Variants in RASGEF1C observed in about 807,000 individuals in gnomAD.
The protein encoded by RASGEF1C is RasGEF domain family member 1C.
RASGEF1C carries 27 observed loss-of-function variants against 58.1 expected under a neutral mutation model. That is an observed-to-expected ratio of 0.46 (90% CI 0.34 to 0.64). The LOEUF (loss-of-function observed/expected upper bound fraction) is 0.64. Among genes scored for constraint, RASGEF1C ranks in the 30% least tolerant of loss-of-function variants. RASGEF1C has a pLI of 0.01. For synonymous variants in RASGEF1C, 243 were observed against 246.3 expected (o/e 0.99, Z 0.13); for missense variants, 502 against 605.1 (o/e 0.83, Z 1.79).
chr5:180,132,950 A>C (rs1766395240), intron 4 of RASGEF1C, among the ~76,000 whole-genome samples: 1 of 145,862 alleles, frequency 6.9e-6, no homozygotes, highest in Non-Finnish European at 1.5e-5. Context: ...CCTGGGTGAC[A>C]GAGAGAGACT....
chr5:180,136,391 G>A lies in RASGEF1C; in HGVS notation c.425C>T (p.Ala142Val), dbSNP rs762688045. 2.6e-6 allele frequency: 4 copies of A among 1,557,308 alleles called. No homozygotes were observed. Among genetic ancestry groups the A allele is most frequent in the African/African-American group, 2.7e-5 (2 of 73,446 alleles). ...CCAGCTGCCCACCTCGTCACAGGGG[G>A]CGATGCGGCCCACGACGTCCTTAAG... Reference protein sequence around the residue: ...GHLKDVVGRIAPCDEAYRKRM... With the variant: ...GHLKDVVGRIVPCDEAYRKRM... The change falls in exon 4 of 14, where the codon GCC becomes GTC. Residue 142 changes from alanine to valine, a missense_variant. Physicochemically the swap from Ala to Val is moderately conservative, Grantham distance 64. Transcript: ENST00000361132.
chr5:180,101,659 T>C (rs1165011491), intron 13 of RASGEF1C, 134 bp from the exon 14 acceptor site: 1 of 1,097,320 alleles, frequency 9.1e-7, no homozygotes, highest in African/African-American at 1.6e-5. Flanking sequence ...GTTCTGCAAA[T>C]CCCTGGGGCT....
In RASGEF1C at chr5:180,137,447, C is replaced by T. The variant is rs1766501409; in HGVS notation, c.300+143G>A. ...TGTTCTGCTCCTTCTGGCTCTGGGC[C>T]TCAGACAAGGTGGAAACACCCGGTA... On this transcript the variant is annotated intron_variant, in intron 3 of 13. Coordinates refer to ENST00000361132, the MANE Select transcript of RASGEF1C (RefSeq NM_175062.4). This position sits in a 1 kb window ranked among gnomAD's most constrained non-coding sequence, Gnocchi z 4.1. 8.6e-7 allele frequency: 1 copy of T among 1,166,260 alleles called. No individual in the cohort carries two copies. Among genetic ancestry groups the T allele is most frequent in the South Asian group, 1.4e-5 (1 of 71,914 alleles). The allele number at this position is 1,166,260 out of a possible 1,614,324, so 72.2% of individuals were successfully genotyped here. A position where few individuals can be genotyped will look rare whatever the true frequency, so the allele number is the denominator to read the frequency against.
intron 1 of RASGEF1C, among the ~76,000 whole-genome samples, chr5:180,174,526 GTGTC>G (rs895558550): frequency 7.8e-6 from 1 of 128,796 alleles, no homozygotes; most frequent in Non-Finnish European, 1.8e-5. Flanking sequence ...GTACACACGT[GTGTC>G]TCTGTGTGTG....
At chr5:180,159,277 G>T (rs7737444) in intron 1 of RASGEF1C, among the ~76,000 whole-genome samples, 24 of 151,404 alleles carry the variant, frequency 1.6e-4, no homozygotes, top group South Asian at 8.4e-4. Flanking sequence ...GTAGCTGGGA[G>T]TACAGGCGTG....
At position 180,101,399 on chromosome 5, in the gene RASGEF1C, A is replaced by G; in HGVS notation, c.*102T>C. ...AGGCCACAGGGTCGGCATTTGCAAA[A>G]TAGTGAGGCACTCCCTGGCCTCTGC... is the stretch of plus-strand genomic sequence containing the variant. On this transcript the variant is annotated 3_prime_UTR_variant, in exon 14 of 14. Coordinates refer to ENST00000361132, the MANE Select transcript of RASGEF1C (RefSeq NM_175062.4). The G allele has an allele frequency of 2.1e-6, 3 of 1,456,478 alleles. 1 individual carries two copies. The highest frequency in any genetic ancestry group is 2.3e-5 in the South Asian group (2 of 85,684). 90.2% of individuals were successfully genotyped at this position (1,456,478 alleles called of 1,614,324 possible). A position where few individuals can be genotyped will look rare whatever the true frequency, so the allele number is the denominator to read the frequency against.
intron 1 of RASGEF1C, among the ~76,000 whole-genome samples, chr5:180,141,978 G>A (rs1473076629): frequency 6.6e-6 from 1 of 152,122 alleles, no homozygotes; most frequent in Non-Finnish European, 1.5e-5. Flanking sequence ...GTGATGATGG[G>A]ACAATTGTTT....
intron 5 of RASGEF1C, among the ~76,000 whole-genome samples, 191 bp downstream of exon 5, chr5:180,128,219 G>A (rs970056632): frequency 1.3e-5 from 2 of 152,206 alleles, no homozygotes; most frequent in South Asian, 2.1e-4. Flanking sequence ...GGAAGAACCC[G>A]CCCCAGCCTC....
intron 1 of RASGEF1C, among the ~76,000 whole-genome samples, chr5:180,139,484 C>A (rs953185474): frequency 6.6e-6 from 1 of 152,206 alleles, no homozygotes; most frequent in African/African-American, 2.4e-5. Context: ...TCAGAGGGAG[C>A]CCCTCAGAGG....
At chr5:180,206,004 G>A (rs1219598365) in intron 1 of RASGEF1C, among the ~76,000 whole-genome samples, 1 of 152,142 alleles carries the variant, frequency 6.6e-6, no homozygotes, top group Non-Finnish European at 1.5e-5. Context: ...CCAAGTGCTG[G>A]GATTACAGGC....
chr5:180,199,675 C>T (rs1297914327), intron 1 of RASGEF1C, among the ~76,000 whole-genome samples: 1 of 151,388 alleles, frequency 6.6e-6, no homozygotes, highest in Non-Finnish European at 1.5e-5. Context: ...TCTCTCCCTC[C>T]CTTCCCTTCC....
At chr5:180,164,218 A>G (rs1198283363) in intron 1 of RASGEF1C, among the ~76,000 whole-genome samples, 2 of 152,210 alleles carry the variant, frequency 1.3e-5, no homozygotes, top group Non-Finnish European at 2.9e-5. Context: ...TGTTTTCAAC[A>G]TCGTTGATAT....
At chr5:180,106,508 C>A (rs1048292801) in intron 12 of RASGEF1C, among the ~76,000 whole-genome samples, 11 of 152,220 alleles carry the variant, frequency 7.2e-5, no homozygotes, top group Non-Finnish European at 1.0e-4. Context: ...TTTAAATTTT[C>A]CATGAGCCTC....
At chr5:180,165,971 G>A (rs1380928155) in intron 1 of RASGEF1C, among the ~76,000 whole-genome samples, 1 of 151,668 alleles carries the variant, frequency 6.6e-6, no homozygotes, top group African/African-American at 2.4e-5. Context: ...GGATGGTCTT[G>A]ATCTCCTGAC....
intron 4 of RASGEF1C, among the ~76,000 whole-genome samples, chr5:180,129,336 G>A (rs1041733495): frequency 2.6e-5 from 4 of 152,176 alleles, no homozygotes; most frequent in Non-Finnish European, 4.4e-5. Flanking sequence ...CACCTGGCCC[G>A]TGCTCTGAGA....
In RASGEF1C at chr5:180,132,772, A is replaced by T. The variant is rs527418934; in HGVS notation, c.438+3606T>A. Among the ~76,000 whole-genome samples, 114 of 152,118 alleles carry T rather than the reference A, an allele frequency of 7.5e-4. No homozygotes were observed. The South Asian group carries it at 9.3e-3, about 12-fold the overall frequency. Reference sequence around the variant, plus strand: ...GATCACGAGGTCAGGAGTTCGAGACAAGCCTGGCCAACATAGTGAAACCCT... The same window carrying T: ...GATCACGAGGTCAGGAGTTCGAGACTAGCCTGGCCAACATAGTGAAACCCT... On this transcript the variant is annotated intron_variant, in intron 4 of 13. Transcript: ENST00000361132.
chr5:180,181,985 C>G (rs186229395), intron 1 of RASGEF1C, among the ~76,000 whole-genome samples: 1 of 151,422 alleles, frequency 6.6e-6, no homozygotes, highest in African/African-American at 2.4e-5. Context: ...GGGCGGATCA[C>G]GAGGTCAGGA....
intron 1 of RASGEF1C, among the ~76,000 whole-genome samples, chr5:180,186,101 GAAAAAAAAA>G (rs35778456): frequency 1.2e-5 from 1 of 81,174 alleles, no homozygotes; most frequent in African/African-American, 4.8e-5. Flanking sequence ...TATCTCCACA[GAAAAAAAAA>G]AAAAAAAAAA....
At chr5:180,173,101 C>A (rs907125521) in intron 1 of RASGEF1C, among the ~76,000 whole-genome samples, 1 of 152,202 alleles carries the variant, frequency 6.6e-6, no homozygotes. Context: ...GTTGACAAGC[C>A]GCCTGGGTGT....
Sources: gnomAD v4.1 joint callset for allele counts (sites outside exome capture counted in the v4.1 genomes callset) on GRCh38, gnomAD v4.1.1 for gene constraint, Gnocchi (gnomAD v3.1) non-coding constraint, MANE v1.5 for transcripts, NCBI Gene and HGNC (gene_info 2026-07-23, HGNC 2026-07-21) for gene names.